Variants in SH3RF2 observed in about 807,000 individuals in gnomAD.
SH3RF2 encodes SH3 domain containing ring finger 2, also known as E3 ubiquitin-protein ligase SH3RF2.
A neutral mutation model predicts 59.0 loss-of-function variants in SH3RF2; 43 were observed. The ratio of observed to expected loss-of-function variants is 0.73; its 90% CI spans 0.57 to 0.94. The LOEUF (loss-of-function observed/expected upper bound fraction) is 0.94, where lower values mean the gene tolerates loss of function less well. Ranked by LOEUF, SH3RF2 falls within the 40% of genes least tolerant of loss-of-function variation. SH3RF2 has a pLI of 0.00. For missense variants in SH3RF2, 930 were observed against 940.1 expected (o/e 0.99, Z 0.14); for synonymous variants, 391 against 391.5 (o/e 1.00, Z 0.01).
chr5:146,064,264 T>C (rs1762992070), downstream of SH3RF2, among the ~76,000 whole-genome samples: 1 of 151,932 alleles, frequency 6.6e-6, no homozygotes, highest in South Asian at 2.1e-4. Flanking sequence ...GGGGCAACCT[T>C]ACATTCCCTG....
chr5:146,044,043 A>G (rs182672468), intron 5 of SH3RF2, among the ~76,000 whole-genome samples: 100 of 152,274 alleles, frequency 6.6e-4, no homozygotes, highest in Non-Finnish European at 1.3e-3. Context: ...CTGTTTTCCA[A>G]CATGGCCTGT....
intron 5 of SH3RF2, among the ~76,000 whole-genome samples, chr5:146,028,197 CACACACACACACAG>C (rs1219527437): frequency 3.1e-5 from 3 of 97,762 alleles, no homozygotes; most frequent in Non-Finnish European, 5.4e-5. Context: ...CACACACACA[CACACACACACACAG>C]AGATAATTCA....
At chr5:145,963,553 G>T (rs1487396242) in intron 2 of SH3RF2, among the ~76,000 whole-genome samples, 1 of 152,102 alleles carries the variant, frequency 6.6e-6, no homozygotes, top group African/African-American at 2.4e-5. Context: ...ATACTGGAAG[G>T]TATCATAACC....
At chr5:146,038,237 A>G (rs1762009981) in intron 5 of SH3RF2, among the ~76,000 whole-genome samples, 1 of 152,234 alleles carries the variant, frequency 6.6e-6, no homozygotes, top group Admixed American at 6.5e-5. Flanking sequence ...CTTAATGGTG[A>G]AATGTTGAAG....
intron 2 of SH3RF2, among the ~76,000 whole-genome samples, chr5:145,974,742 G>T (rs1388469356): frequency 6.6e-6 from 1 of 152,126 alleles, no homozygotes; most frequent in Non-Finnish European, 1.5e-5. Context: ...ACACTCTATA[G>T]CCCAAGCTTT....
intron 2 of SH3RF2, among the ~76,000 whole-genome samples, chr5:145,998,281 T>TAA (rs35018423): frequency 0.018 from 2,492 of 140,328 alleles, 68 homozygotes; most frequent in African/African-American, 0.06. Flanking sequence ...GGCCCATAGT[T>TAA]AAAAAAAAAA....
At chr5:146,037,838 G>T (rs1436657656) in intron 5 of SH3RF2, among the ~76,000 whole-genome samples, 1 of 152,140 alleles carries the variant, frequency 6.6e-6, no homozygotes. Context: ...ATAAGATTAG[G>T]ATAGCCTTAC....
intron 9 of SH3RF2, among the ~76,000 whole-genome samples, chr5:146,072,116 C>T (rs1763251437): frequency 1.3e-5 from 2 of 152,180 alleles, no homozygotes; most frequent in African/African-American, 4.8e-5. Flanking sequence ...ACTCTGGAGT[C>T]ATATATCCCT....
rs1310992601 is a variant in SH3RF2 at position 146,004,101 on chromosome 5, C to A, written c.692C>A (p.Ala231Glu). ...ATCAGCCGAGTGGATGAGAACTGGG[C>A]AGAAGGCAAGTTAGGAGATAAAGTA... ...TVISRVDENWAEGKLGDKVGI... is the reference protein window; with the variant it reads ...TVISRVDENWEEGKLGDKVGI... The change falls in exon 4 of 10, where the codon GCA (alanine) becomes GAA (glutamate). Residue 231 changes from alanine to glutamate, a missense_variant. By Grantham distance (107) the Ala-to-Glu change is moderately radical (BLOSUM62 -1). Coordinates refer to ENST00000359120, the MANE Select transcript of SH3RF2 (RefSeq NM_152550.4). The A allele has an allele frequency of 6.2e-7, 1 of 1,612,908 alleles. No individual in the cohort carries two copies. The highest frequency in any genetic ancestry group is 8.5e-7 in the Non-Finnish European group (1 of 1,179,200).
At chr5:145,990,242 G>A (rs762610133) in intron 2 of SH3RF2, among the ~76,000 whole-genome samples, 22 of 152,218 alleles carry the variant, frequency 1.4e-4, no homozygotes, top group African/African-American at 4.1e-4. Context: ...AGGAAAGTGC[G>A]TCTACTGGTT....
At chr5:145,953,999 A>G (rs1445634705) in intron 2 of SH3RF2, among the ~76,000 whole-genome samples, 2 of 152,174 alleles carry the variant, frequency 1.3e-5, no homozygotes, top group Admixed American at 1.3e-4. Context: ...TGCTATTGTG[A>G]ACAGTGCTGC....
rs776504165 is a variant in SH3RF2 at position 145,998,709 on chromosome 5, G to A, written c.379-1349G>A. The stretch of plus-strand genomic sequence containing the variant: ...GGGTGGATCATGAGGTCAGGAGATC[G>A]AGACCATCCTGGCCAACATAGTGAA... On this transcript the variant is annotated intron_variant, in intron 2 of 9. Coordinates refer to ENST00000359120, the MANE Select transcript of SH3RF2 (RefSeq NM_152550.4). 2.0e-4 allele frequency among the ~76,000 whole-genome samples: 31 copies of A among 152,260 alleles called. 1 individual carries two copies. The Middle Eastern group carries it at 0.01, about 50-fold the overall frequency.
rs144888819 is a variant in SH3RF2, at chr5:146,056,140, C to A, written c.1482C>A (p.Pro494=). ...TTGTGCCCACTGCCATAGTCAACCC[C>A]GTGAGAAGCACAGCCGGCCCTGGGA... The part of the protein sequence containing the change: ...SVFVPTAIVN[P]VRSTAGPGTL... Residue 494 remains proline (P), a synonymous_variant, in exon 8 of 10, where the codon CCC becomes CCA. Coordinates refer to ENST00000359120, the MANE Select transcript of SH3RF2 (RefSeq NM_152550.4). 6.2e-7 allele frequency: 1 copy of A among 1,614,192 alleles called. No homozygotes were observed. The highest frequency in any genetic ancestry group is 1.7e-5 in the Admixed American group (1 of 60,024).
chr5:145,952,644 T>C (rs936110616), intron 2 of SH3RF2, among the ~76,000 whole-genome samples: 3 of 152,212 alleles, frequency 2.0e-5, no homozygotes, highest in African/African-American at 7.2e-5. Context: ...ATGTATACTC[T>C]AATGGGATAG....
At chr5:146,059,719 T>C in intron 8 of SH3RF2, 147 bp from the exon 9 acceptor site, 1 of 548,796 alleles carries the variant, frequency 1.8e-6, no homozygotes, top group Non-Finnish European at 3.0e-6. Flanking sequence ...AAGGTCACCT[T>C]TGAAAGACCC....
intron 2 of SH3RF2, among the ~76,000 whole-genome samples, chr5:145,980,574 T>C (rs960007154): frequency 2.0e-5 from 3 of 152,210 alleles, no homozygotes; most frequent in Non-Finnish European, 4.4e-5. Context: ...TTTACATAGA[T>C]TCTAGCATAT....
downstream of SH3RF2, among the ~76,000 whole-genome samples, chr5:146,067,341 T>C (rs1241023994): frequency 1.3e-5 from 2 of 152,200 alleles, no homozygotes; most frequent in African/African-American, 4.8e-5. Context: ...ACATTCATTC[T>C]TCAACATACT....
intron 2 of SH3RF2, among the ~76,000 whole-genome samples, chr5:145,981,610 G>A (rs760295956): frequency 6.6e-6 from 1 of 152,118 alleles, no homozygotes; most frequent in Non-Finnish European, 1.5e-5. Context: ...TTGCATCCCT[G>A]TGTTGTCATT....
intron 4 of SH3RF2, among the ~76,000 whole-genome samples, chr5:146,008,542 T>G (rs1760741021): frequency 6.6e-6 from 1 of 152,208 alleles, no homozygotes. Flanking sequence ...CCATCAGAGC[T>G]TGCCTAAACA....
Sources: allele counts gnomAD v4.1 joint callset (sites outside exome capture counted in the v4.1 genomes callset), GRCh38; gene constraint gnomAD v4.1.1; transcripts MANE v1.5; gene names NCBI Gene and HGNC (gene_info 2026-07-23, HGNC 2026-07-21).